SCARA5: variants seen among roughly 807,000 people sequenced by gnomAD.
SCARA5 encodes scavenger receptor class A member 5, also known as scavenger receptor class A, member 5 (putative).
A neutral mutation model predicts 46.3 loss-of-function variants in SCARA5; 45 were observed. The observed-to-expected ratio is 0.97, with a 90% CI of 0.76 to 1.24. SCARA5 has a LOEUF of 1.24. Ranked by LOEUF, SCARA5 falls within the 50% of genes most tolerant of loss-of-function variation. SCARA5 has a pLI of 0.00. For missense variants in SCARA5, 680 were observed against 689.0 expected, an observed-to-expected ratio of 0.99 and a Z score of 0.15; for synonymous variants, 333 against 306.5, an observed-to-expected ratio of 1.09 and a Z score of -0.90.
intron 4 of SCARA5, among the ~76,000 whole-genome samples, chr8:27,918,393 A>G (rs1807501015): frequency 6.6e-6 from 1 of 152,124 alleles, no homozygotes. Context: ...AGAGGGCCCC[A>G]TCATTATACT....
At chr8:27,914,631 C>A (rs1807431968) in intron 4 of SCARA5, among the ~76,000 whole-genome samples, 1 of 152,220 alleles carries the variant, frequency 6.6e-6, no homozygotes, top group African/African-American at 2.4e-5. Context: ...CAAGAGGTAC[C>A]CAGGTTAGCT....
intron 7 of SCARA5, among the ~76,000 whole-genome samples, chr8:27,884,304 TGGA>T (rs144605549): frequency 0.027 from 4,114 of 152,160 alleles, 202 homozygotes; most frequent in African/African-American, 0.094. Context: ...AAGAAAAACA[TGGA>T]GAAGAGCTGG....
intron 3 of SCARA5, among the ~76,000 whole-genome samples, chr8:27,957,665 A>G (rs1027309894): frequency 6.6e-6 from 1 of 152,212 alleles, no homozygotes; most frequent in Non-Finnish European, 1.5e-5. Flanking sequence ...CCAGGCACCC[A>G]TTCCCCAGCT....
At chr8:27,902,984 C>T (rs1807183854) in intron 7 of SCARA5, among the ~76,000 whole-genome samples, 1 of 152,148 alleles carries the variant, frequency 6.6e-6, no homozygotes, top group South Asian at 2.1e-4. Flanking sequence ...CGGGCAAGTC[C>T]ATCACTTTCA....
intron 7 of SCARA5, among the ~76,000 whole-genome samples, chr8:27,888,454 C>T (rs936818434): frequency 6.6e-6 from 1 of 152,160 alleles, no homozygotes; most frequent in African/African-American, 2.4e-5. Context: ...GATTTCCCAC[C>T]TTTTTAGGCC....
chr8:27,916,735 G>T (rs1031144817), intron 4 of SCARA5, among the ~76,000 whole-genome samples: 1 of 152,198 alleles, frequency 6.6e-6, no homozygotes, highest in Non-Finnish European at 1.5e-5. Context: ...AACAGAGACA[G>T]GGAGGCAGGA....
At chr8:27,879,854 G>C in intron 7 of SCARA5, 88 bp from the exon 8 acceptor site, 1 of 1,309,764 alleles carries the variant, frequency 7.6e-7, no homozygotes, top group East Asian at 2.5e-5. Flanking sequence ...CTACCCCTGG[G>C]TAGGAGGAAG....
chr8:27,953,499 G>A (rs767848944), intron 3 of SCARA5, among the ~76,000 whole-genome samples: 3 of 152,222 alleles, frequency 2.0e-5, no homozygotes, highest in Non-Finnish European at 2.9e-5. Context: ...TACCTTAGAC[G>A]GTTATGTTAT....
chr8:27,890,926 G>C (rs1806970669), intron 7 of SCARA5, among the ~76,000 whole-genome samples: 1 of 152,210 alleles, frequency 6.6e-6, no homozygotes, highest in Admixed American at 6.5e-5. Flanking sequence ...GTCCCGGCAG[G>C]TGTGGGTCTG....
chr8:27,987,353 A>G, intron 2 of SCARA5, 151 bp downstream of exon 2: 2 of 629,304 alleles, frequency 3.2e-6, no homozygotes, highest in Non-Finnish European at 5.7e-6. Flanking sequence ...CCCATGGAGA[A>G]GACCTTTTAA....
Position 27,902,237 on chromosome 8 carries a change from G to A in SCARA5, c.1153+2541C>T, listed in dbSNP as rs531508911. Among the ~76,000 whole-genome samples, 22 of 152,260 alleles carry A rather than the reference G, an allele frequency of 1.4e-4. No individual in the cohort carries two copies. The South Asian group carries it at 4.4e-3, about 30-fold the overall frequency. On this transcript the variant is annotated intron_variant, in intron 7 of 8. Transcript: ENST00000354914. ...CAGGAAAGAAAGCCTCAGTCCCTGAGGGGAGGCTGTCCAGAGCTGATGTCA... is the reference window on the plus strand; with the variant it reads ...CAGGAAAGAAAGCCTCAGTCCCTGAAGGGAGGCTGTCCAGAGCTGATGTCA...
At chr8:27,875,139 G>A (rs759928168) in intron 8 of SCARA5, among the ~76,000 whole-genome samples, 8 of 151,376 alleles carry the variant, frequency 5.3e-5, no homozygotes, top group Non-Finnish European at 8.8e-5. Flanking sequence ...TTCCTTCCTC[G>A]CTCCCTTCTT....
chr8:27,962,930 G>A (rs902156943), intron 3 of SCARA5, among the ~76,000 whole-genome samples: 2 of 152,190 alleles, frequency 1.3e-5, no homozygotes, highest in Non-Finnish European at 2.9e-5. Context: ...GACAACGACC[G>A]AATGGTGCTG....
chr8:27,981,941 T>A lies in SCARA5; in HGVS notation c.112+5563A>T, dbSNP rs187340390. On this transcript the variant is annotated intron_variant, in intron 2 of 8. Transcript: ENST00000354914. The stretch of plus-strand genomic sequence containing the variant: ...CCTCCCAGGAAATCCATTCCCATCT[T>A]TGGGCAGCAGCCCAGCAGCCCTCAG... Among the ~76,000 whole-genome samples, 385 of 152,314 alleles carry A rather than the reference T, an allele frequency of 2.5e-3. 3 individuals carry two copies. The highest frequency in any genetic ancestry group is 8.8e-3 in the African/African-American group (365 of 41,570).
chr8:27,879,162 T>C (rs1806769670), intron 8 of SCARA5, among the ~76,000 whole-genome samples: 4 of 152,196 alleles, frequency 2.6e-5, no homozygotes, highest in African/African-American at 9.7e-5. Flanking sequence ...AAATATTTGT[T>C]ACATGTTGAG....
chr8:27,873,704 C>T (rs897023837), intron 8 of SCARA5, among the ~76,000 whole-genome samples: 1 of 151,752 alleles, frequency 6.6e-6, no homozygotes, highest in African/African-American at 2.4e-5. Flanking sequence ...GTTGCTCACC[C>T]AAAAAAAGAA....
rs1807605776 is a variant in SCARA5, at chr8:27,922,106, C to T, written c.381G>A (p.Lys127=). 2 of 1,605,130 alleles carry T rather than the reference C, an allele frequency of 1.2e-6. No homozygotes were observed. The highest frequency in any genetic ancestry group is 1.7e-6 in the Non-Finnish European group (2 of 1,176,746). ...ACTGGTTCTGCAGCGCGTCCTGCAC[C>T]TTCCACACCTGCTCCGTCAGGTCCG... The part of the protein sequence containing the change: ...LQADLTEQVW[K]VQDALQNQSD... Residue 127 remains lysine, a synonymous_variant, in exon 4 of 9, where the codon AAG becomes AAA. Coordinates refer to ENST00000354914, the MANE Select transcript of SCARA5 (RefSeq NM_173833.6).
At position 27,907,195 on chromosome 8, in the gene SCARA5, T is replaced by A; in HGVS notation, c.1049A>T (p.Asp350Val). The A allele has an allele frequency of 6.2e-7, 1 of 1,613,698 alleles. No homozygotes were observed. The highest frequency in any genetic ancestry group is 1.1e-5 in the South Asian group (1 of 90,984). Residue 350 changes from aspartate (D) to valine (V), a missense_variant, in exon 6 of 9, where the codon GAT becomes GTT. Physicochemically the swap from Asp to Val is radical, Grantham distance 152 (BLOSUM62 -3). Coordinates refer to ENST00000354914, the MANE Select transcript of SCARA5 (RefSeq NM_173833.6). ...TGGTCCTGTGGCCCCCAGCTTCCCATCATCGCCCTTGGGCCCGGGCAATCC... is the reference window on the plus strand; with the variant it reads ...TGGTCCTGTGGCCCCCAGCTTCCCAACATCGCCCTTGGGCCCGGGCAATCC... ...TPGLPGPKGD[D>V]GKLGATGPMG...
chr8:27,883,864 G>A (rs536485928), intron 7 of SCARA5, among the ~76,000 whole-genome samples: 26 of 152,252 alleles, frequency 1.7e-4, no homozygotes, highest in Admixed American at 3.3e-4. Flanking sequence ...ACTAATAAGC[G>A]CGGCACTCCT....
Sources: gnomAD v4.1 joint callset for allele counts (sites outside exome capture counted in the v4.1 genomes callset) on GRCh38, gnomAD v4.1.1 for gene constraint, MANE v1.5 for transcripts, NCBI Gene and HGNC (gene_info 2026-07-23, HGNC 2026-07-21) for gene names.